HMCN1: variants seen among roughly 807,000 people sequenced by gnomAD.
The protein encoded by HMCN1 is hemicentin 1, also known as hemicentin-1.
HMCN1 carries 321 observed loss-of-function variants against 625.9 expected under a neutral mutation model. The ratio of observed to expected loss-of-function variants is 0.51; its 90% CI spans 0.47 to 0.56. The LOEUF is 0.56. Ranked by LOEUF, HMCN1 falls within the 20% of genes least tolerant of loss-of-function variation. HMCN1 has a pLI of 0.00. For synonymous variants in HMCN1, 2,425 were observed against 2,417.6 expected, an observed-to-expected ratio of 1.00 and a Z score of -0.09; for missense variants, 6,588 against 6,887.3, an observed-to-expected ratio of 0.96 and a Z score of 1.54.
At position 186,114,053 on chromosome 1, in the gene HMCN1, G is replaced by A. The variant is rs138190200; in HGVS notation, c.11206G>A (p.Ala3736Thr). The change falls in exon 73 of 107, where the codon GCT becomes ACT. Residue 3736 changes from alanine (A) to threonine (T), a missense_variant. Physicochemically the swap from Ala to Thr is moderately conservative, Grantham distance 58. Around this residue, in one of 3 missense-constraint regions of HMCN1, gnomAD observed 4,628 missense variants for 4,853.1 expected, o/e 0.95. Coordinates refer to ENST00000271588, the MANE Select transcript of HMCN1 (RefSeq NM_031935.3). ...LNKSTVLECI[A>T]EGVPTPRITW... ...TAAGTCAACTGTATTGGAATGCATC[G>A]CTGAAGGTGTGCCAACTCCAAGGAT... 1.9e-4 allele frequency: 310 copies of A among 1,614,054 alleles called. No individual in the cohort carries two copies. In the African/African-American group the frequency reaches 2.1e-3, roughly 11 times the overall value.
At chr1:185,752,126 C>G (rs890580929) in intron 1 of HMCN1, among the ~76,000 whole-genome samples, 1 of 152,014 alleles carries the variant, frequency 6.6e-6, no homozygotes, top group African/African-American at 2.4e-5. Context: ...AATTTTTGGG[C>G]TTTGGATTCC....
At chr1:185,782,161 A>T (rs1272203131) in intron 1 of HMCN1, among the ~76,000 whole-genome samples, 1 of 152,080 alleles carries the variant, frequency 6.6e-6, no homozygotes, top group Non-Finnish European at 1.5e-5. Context: ...AGAGACTAGG[A>T]TTGCAACCTC....
chr1:185,774,264 GT>G (rs543057401), intron 1 of HMCN1, among the ~76,000 whole-genome samples: 203 of 152,222 alleles, frequency 1.3e-3, no homozygotes, highest in Non-Finnish European at 2.0e-3. Context: ...ATAAATAGAT[GT>G]GATTGATGGG....
intron 103 of HMCN1, 41 bp from the exon 104 acceptor site, chr1:186,178,375 G>A (rs1311389031): frequency 4.4e-6 from 6 of 1,379,058 alleles, no homozygotes; most frequent in Non-Finnish European, 6.2e-6. Context: ...GTGTATGTAT[G>A]TGTCTTTTTT....
intron 28 of HMCN1, among the ~76,000 whole-genome samples, chr1:186,002,309 T>C (rs1397171347): frequency 6.6e-6 from 1 of 152,138 alleles, no homozygotes; most frequent in East Asian, 1.9e-4. Flanking sequence ...TTTGTGAAAT[T>C]ATATTTGCCA....
chr1:185,864,582 G>A lies in HMCN1; in HGVS notation c.452G>A (p.Arg151Gln), dbSNP rs1214034266. 8.1e-6 allele frequency: 13 copies of A among 1,613,764 alleles called. No individual in the cohort carries two copies. The highest frequency in any genetic ancestry group is 4.0e-5 in the African/African-American group (3 of 74,858). Residue 151 changes from arginine (R) to glutamine (Q), a missense_variant, in exon 3 of 107, where the codon CGG becomes CAG. By Grantham distance (43) the Arg-to-Gln change is conservative. This residue lies in a region of HMCN1 where 4,628 missense variants were observed against 4,853.1 expected (regional missense o/e 0.95). Transcript: ENST00000271588. ...VFTDARSKDY[R>Q]LTHEVLQLIQ... is the part of the protein sequence containing the mutation. ...ACTGATGCTCGGTCCAAAGATTACC[G>A]GCTCACCCATGAGGTGCTGCAACTT...
At chr1:186,096,578 A>G (rs911567185) in intron 68 of HMCN1, among the ~76,000 whole-genome samples, 1 of 152,154 alleles carries the variant, frequency 6.6e-6, no homozygotes, top group Non-Finnish European at 1.5e-5. Context: ...GAAGTTCTCC[A>G]GGATATTTAG....
At chr1:186,164,494 C>T (rs796143350) in intron 97 of HMCN1, among the ~76,000 whole-genome samples, 91 of 152,222 alleles carry the variant, frequency 6.0e-4, no homozygotes, top group African/African-American at 1.9e-3. Context: ...CCGCCCGCCT[C>T]GGCCTCCCAA....
At chr1:185,745,731 G>A (rs1654346748) in intron 1 of HMCN1, among the ~76,000 whole-genome samples, 1 of 148,900 alleles carries the variant, frequency 6.7e-6, no homozygotes, top group Non-Finnish European at 1.5e-5. Flanking sequence ...TGGGTGGCCT[G>A]TCTGTCTCCA....
chr1:186,042,637 T>A (rs1423659903), intron 40 of HMCN1, among the ~76,000 whole-genome samples: 1 of 152,198 alleles, frequency 6.6e-6, no homozygotes, highest in Non-Finnish European at 1.5e-5. Flanking sequence ...AATGGCTAGC[T>A]GATATATATG....
Position 186,016,110 on chromosome 1 carries a change from A to T in HMCN1, c.5062A>T (p.Ile1688Phe). The T allele has an allele frequency of 6.2e-7, 1 of 1,613,508 alleles. No homozygotes were observed. Among genetic ancestry groups the T allele is most frequent in the Non-Finnish European group, 8.5e-7 (1 of 1,179,614 alleles). ...DGVPVKANDN[I>F]RIEAGGKKLE... ...TGTACCTGTGAAAGCTAATGACAATATCCGCATAGAAGCTGGTGGGAAGAA... is the reference window on the plus strand; with the variant it reads ...TGTACCTGTGAAAGCTAATGACAATTTCCGCATAGAAGCTGGTGGGAAGAA... Residue 1688 changes from isoleucine (I) to phenylalanine (F), a missense_variant, in exon 32 of 107, where the codon ATC becomes TTC. By Grantham distance (21) the Ile-to-Phe change is conservative (BLOSUM62 0). Around this residue, in one of 3 missense-constraint regions of HMCN1, gnomAD observed 4,628 missense variants for 4,853.1 expected, o/e 0.95. Transcript: ENST00000271588.
Position 186,137,617 on chromosome 1 carries a change from T to G in HMCN1, c.13702T>G (p.Cys4568Gly). 6.2e-7 allele frequency: 1 copy of G among 1,614,068 alleles called. No homozygotes were observed. ...QPLPANGGKPCQGSDLEMRNC... is the reference protein window; with the variant it reads ...QPLPANGGKPGQGSDLEMRNC... Reference sequence around the variant, plus strand: ...CCTTCCAGCCAATGGTGGGAAGCCCTGCCAAGGTTCAGATTTGGAAATGCG... The same window carrying G: ...CCTTCCAGCCAATGGTGGGAAGCCCGGCCAAGGTTCAGATTTGGAAATGCG... Residue 4568 changes from cysteine to glycine, a missense_variant, in exon 88 of 107, where the codon TGC becomes GGC. Transcript: ENST00000271588.
At chr1:185,916,068 ATGTG>A (rs372973815) in intron 6 of HMCN1, among the ~76,000 whole-genome samples, 4 of 149,386 alleles carry the variant, frequency 2.7e-5, no homozygotes, top group African/African-American at 7.3e-5. Context: ...GTGTGTGCAT[ATGTG>A]TGTGTGTGTG....
chr1:186,154,084 T>G, intron 97 of HMCN1, 97 bp downstream of exon 97: 2 of 978,492 alleles, frequency 2.0e-6, no homozygotes, highest in Non-Finnish European at 3.2e-6. Context: ...TCTAACATGA[T>G]ATCAGGTTTT....
At chr1:186,109,999 C>T (rs1404916567) in intron 71 of HMCN1, among the ~76,000 whole-genome samples, 1 of 151,954 alleles carries the variant, frequency 6.6e-6, no homozygotes, top group Non-Finnish European at 1.5e-5. Context: ...CCCAGGTTGA[C>T]CAAGTGATGT....
chr1:185,735,019 C>A lies in HMCN1; in HGVS notation c.240C>A (p.Asn80Lys). The change falls in exon 1 of 107, where the codon AAC becomes AAA. Residue 80 changes from asparagine to lysine, a missense_variant. This residue lies in a region of HMCN1 where 4,628 missense variants were observed against 4,853.1 expected (regional missense o/e 0.95). Coordinates refer to ENST00000271588, the MANE Select transcript of HMCN1 (RefSeq NM_031935.3). ...AAAGACCTAAAAGACCTCTTTTCAA[C>A]TTTGCGTTGGTGCCTTTCCATGATC... Reference protein sequence around the residue: ...SLKRPKRPLFNFALVPFHDPE... With the variant: ...SLKRPKRPLFKFALVPFHDPE... The A allele has an allele frequency of 6.2e-7, 1 of 1,614,136 alleles. No individual in the cohort carries two copies. Among genetic ancestry groups the A allele is most frequent in the Middle Eastern group, 1.6e-4 (1 of 6,062 alleles).
At chr1:185,946,209 A>C (rs1668334970) in intron 11 of HMCN1, among the ~76,000 whole-genome samples, 1 of 152,210 alleles carries the variant, frequency 6.6e-6, no homozygotes, top group South Asian at 2.1e-4. Flanking sequence ...AGATAAATTT[A>C]TCTATCAACA....
At position 186,076,463 on chromosome 1, in the gene HMCN1, A is replaced by G; in HGVS notation, c.8326A>G (p.Asn2776Asp). The G allele has an allele frequency of 6.2e-7, 1 of 1,613,716 alleles. No homozygotes were observed. Among genetic ancestry groups the G allele is most frequent in the East Asian group, 2.2e-5 (1 of 44,798 alleles). ...PSFQKLWEIG[N>D]MLDTGRNGEA... ...TTTTCAGAAACTCTGGGAAATAGGA[A>G]ACATGCTAGATACTGGCAGGAATGG... The change falls in exon 54 of 107, where the codon AAC (asparagine) becomes GAC (aspartate). Residue 2776 changes from asparagine to aspartate, a missense_variant. By Grantham distance (23) the Asn-to-Asp change is conservative (BLOSUM62 1). Coordinates refer to ENST00000271588, the MANE Select transcript of HMCN1 (RefSeq NM_031935.3).
chr1:186,087,030 G>A (rs924172586), intron 58 of HMCN1, among the ~76,000 whole-genome samples, 187 bp from the exon 59 acceptor site: 2 of 151,936 alleles, frequency 1.3e-5, no homozygotes, highest in Non-Finnish European at 2.9e-5. Flanking sequence ...TCCTTTATAA[G>A]GAACTAGGTG....
Sources: gnomAD v4.1 joint callset for allele counts (sites outside exome capture counted in the v4.1 genomes callset) on GRCh38, gnomAD v4.1.1 for gene constraint, gnomAD v4.1.1 regional missense constraint, MANE v1.5 for transcripts, NCBI Gene and HGNC (gene_info 2026-07-23, HGNC 2026-07-21) for gene names.